THOC6: variants seen among roughly 807,000 people sequenced by gnomAD.
THOC6 encodes THO complex subunit 6.
A neutral mutation model predicts 55.8 loss-of-function variants in THOC6; 39 were observed. The ratio of observed to expected loss-of-function variants is 0.70; its 90% CI spans 0.54 to 0.91. The LOEUF is 0.91. Ranked by LOEUF, THOC6 falls within the 40% of genes least tolerant of loss-of-function variation. The pLI is 0.00. For synonymous variants in THOC6, 192 were observed against 175.6 expected (o/e 1.09, Z -0.74); for missense variants, 482 against 442.0 (o/e 1.09, Z -0.81).
rs1039935753 is a variant in THOC6, at chr16:3,026,277, G to A, written c.351G>A (p.Gln117=). 1 of 1,614,128 alleles carries A rather than the reference G, an allele frequency of 6.2e-7. No homozygotes were observed. The highest frequency in any genetic ancestry group is 1.7e-5 in the Admixed American group (1 of 60,026). The part of the protein sequence containing the change: ...KKGCKELWRR[Q]PPYRTSLEVP... ...GCTGTAAGGAGCTGTGGCGTCGTCA[G>A]CCTCCATACAGGTGAGCAGGGCCAC... Residue 117 remains glutamine, a synonymous_variant, in exon 5 of 13, where the codon CAG becomes CAA. Transcript: ENST00000326266.
At chr16:3,024,429 C>A (rs1243123491) in intron 1 of THOC6, 64 bp downstream of exon 1, 1 of 1,597,464 alleles carries the variant, frequency 6.3e-7, no homozygotes, top group South Asian at 1.1e-5. Flanking sequence ...TGGGACGGGG[C>A]GGGCAGGGAA....
chr16:3,026,102 G>A lies in THOC6; in HGVS notation c.260G>A (p.Arg87Gln), dbSNP rs1225136195. The change falls in exon 4 of 13, where the codon CGA becomes CAA. Residue 87 changes from arginine to glutamine, a missense_variant. Physicochemically the swap from Arg to Gln is conservative, Grantham distance 43. Transcript: ENST00000326266. Reference protein sequence around the residue: ...GPVYSMVSTDRHLLSAGDGEV... With the variant: ...GPVYSMVSTDQHLLSAGDGEV... ...GTCTATAGCATGGTTTCCACCGATC[G>A]ACATCTGCTTAGTGCTGGGGATGGG... The A allele has an allele frequency of 1.9e-6, 3 of 1,608,932 alleles. No individual in the cohort carries two copies. Among genetic ancestry groups the A allele is most frequent in the East Asian group, 2.2e-5 (1 of 44,748 alleles).
chr16:3,024,294 G>C lies in THOC6; in HGVS notation c.-33G>C. The stretch of plus-strand genomic sequence containing the variant: ...GTAAGGCCTCGTGAGGTTGCGTCGC[G>C]CGCGGAGCACTCTGGGACTTGTAGT... On this transcript the variant is annotated 5_prime_UTR_variant, in exon 1 of 13. Transcript: ENST00000326266. The C allele has an allele frequency of 6.2e-7, 1 of 1,614,082 alleles. No individual in the cohort carries two copies. The highest frequency in any genetic ancestry group is 8.5e-7 in the Non-Finnish European group (1 of 1,179,972).
rs2072814610 is a variant in THOC6, at chr16:3,027,045, G to A, written c.671G>A (p.Gly224Glu). Residue 224 changes from glycine (G) to glutamate (E), a missense_variant, in exon 10 of 13, where the codon GGA becomes GAA. Physicochemically the swap from Gly to Glu is moderately conservative, Grantham distance 98. Coordinates refer to ENST00000326266, the MANE Select transcript of THOC6 (RefSeq NM_024339.5). ...AGGCCCCACAATGGGCGCTGGATTG[G>A]ATGTTTGGCAACTGATTCCGACTGG... Reference protein sequence around the residue: ...CSRPHNGRWIGCLATDSDWMV... With the variant: ...CSRPHNGRWIECLATDSDWMV... 2 of 1,614,172 alleles carry A rather than the reference G, an allele frequency of 1.2e-6. No homozygotes were observed. The highest frequency in any genetic ancestry group is 4.5e-5 in the East Asian group (2 of 44,872).
chr16:3,026,246 T>C lies in THOC6; in HGVS notation c.325-5T>C. 1 of 1,614,070 alleles carries C rather than the reference T, an allele frequency of 6.2e-7. No individual in the cohort carries two copies. On this transcript the variant is annotated splice_polypyrimidine_tract_variant and splice_region_variant and intron_variant, in intron 4 of 12. Transcript: ENST00000326266. ...TGAGGTCACCTGGTATTTTCTCTTT[T>C]GAAGGGCTGTAAGGAGCTGTGGCGT...
chr16:3,026,315 T>G (rs1327214279), intron 5 of THOC6, 27 bp downstream of exon 5: 12 of 1,613,790 alleles, frequency 7.4e-6, no homozygotes, highest in Non-Finnish European at 1.0e-5. Flanking sequence ...GGATAGAGGG[T>G]GCATCAGGGT....
chr16:3,025,902 G>A, intron 2 of THOC6, 22 bp from the exon 3 acceptor site: 1 of 1,614,202 alleles, frequency 6.2e-7, no homozygotes, highest in South Asian at 1.1e-5. Context: ...TGACTCCTGG[G>A]TCCCCTCCGC....
rs144446793 is a variant in THOC6 at position 3,027,420 on chromosome 16, C to G, written c.865C>G (p.Leu289Val). 27 of 1,612,332 alleles carry G rather than the reference C, an allele frequency of 1.7e-5. No individual in the cohort carries two copies. The highest frequency in any genetic ancestry group is 2.2e-5 in the Non-Finnish European group (26 of 1,179,582). The stretch of plus-strand genomic sequence containing the variant: ...CAACCAGTGGCAGCTGAGCGGGGAG[C>G]TGAAGGCCCAGGTGCCTGGCTCCTC... ...CVNQWQLSGE[L>V]KAQVPGSSPG... Residue 289 changes from leucine (L) to valine (V), a missense_variant, in exon 12 of 13, where the codon CTG (leucine) becomes GTG (valine). Physicochemically the swap from Leu to Val is conservative, Grantham distance 32 (BLOSUM62 1). Coordinates refer to ENST00000326266, the MANE Select transcript of THOC6 (RefSeq NM_024339.5).
At chr16:3,026,840 G>A (rs2072808003) in intron 8 of THOC6, 27 bp from the exon 9 acceptor site, 1 of 1,614,140 alleles carries the variant, frequency 6.2e-7, no homozygotes, top group Non-Finnish European at 8.5e-7. Context: ...GGCAAGTGGG[G>A]CACCACTCAC....
chr16:3,025,183 C>T (rs573686569), intron 1 of THOC6, among the ~76,000 whole-genome samples: 1 of 152,210 alleles, frequency 6.6e-6, no homozygotes, highest in East Asian at 1.9e-4. Context: ...CTCAGGTGGT[C>T]CACCTGCCTT....
intron 2 of THOC6, 36 bp downstream of exon 2, chr16:3,025,859 A>G: frequency 6.2e-7 from 1 of 1,614,092 alleles, no homozygotes; most frequent in Non-Finnish European, 8.5e-7. Context: ...TAGCCCTGGC[A>G]CTTGGCCCTC....
chr16:3,025,234 G>A (rs1294616730), intron 1 of THOC6, among the ~76,000 whole-genome samples: 1 of 152,078 alleles, frequency 6.6e-6, no homozygotes, highest in Admixed American at 6.6e-5. Context: ...GAGCCACTGC[G>A]CCCGGCCCCA....
In THOC6 at chr16:3,027,669, A is replaced by T. The variant is rs1455342224; in HGVS notation, c.*12A>T. Reference sequence around the variant, plus strand: ...CCCTGTCCTTCTGATCTCTGACGACACCCCCAGCCAGCTCAGGGTTTTAGA... The same window carrying T: ...CCCTGTCCTTCTGATCTCTGACGACTCCCCCAGCCAGCTCAGGGTTTTAGA... On this transcript the variant is annotated 3_prime_UTR_variant, in exon 13 of 13. Transcript: ENST00000326266. 6.2e-7 allele frequency: 1 copy of T among 1,605,384 alleles called. No individual in the cohort carries two copies. The highest frequency in any genetic ancestry group is 8.5e-7 in the Non-Finnish European group (1 of 1,177,728).
In THOC6 at chr16:3,027,697, GT is replaced by G. The variant is rs2072837794; in HGVS notation, c.*45del. On this transcript the variant is annotated 3_prime_UTR_variant, in exon 13 of 13. Coordinates refer to ENST00000326266, the MANE Select transcript of THOC6 (RefSeq NM_024339.5). ...CCCAGCCAGCTCAGGGTTTTAGAGT[GT>G]TTTTCATTTTCTTTTTTTTTTTTTT... 9 of 1,398,134 alleles carry G rather than the reference GT, an allele frequency of 6.4e-6. No individual in the cohort carries two copies. The highest frequency in any genetic ancestry group is 8.8e-6 in the Non-Finnish European group (9 of 1,028,522). 86.6% of individuals were successfully genotyped at this position (1,398,134 alleles called of 1,614,324 possible).
chr16:3,024,070 G>C lies in THOC6; in HGVS notation c.-257G>C, dbSNP rs1472188518. 11 of 807,540 alleles carry C rather than the reference G, an allele frequency of 1.4e-5. No individual in the cohort carries two copies. The Admixed American group carries it at 2.8e-4, about 20-fold the overall frequency. 50.0% of individuals were successfully genotyped at this position (807,540 alleles called of 1,614,324 possible). A position where few individuals can be genotyped will look rare whatever the true frequency, so the allele number is the denominator to read the frequency against. On this transcript the variant is annotated 5_prime_UTR_variant, in exon 1 of 13. Transcript: ENST00000326266. ...GGTTCTGCGCGGGCGCGGAAGACGGGCGGCGCGTGGCGGAAGGCAGGCTTG... is the reference window on the plus strand; with the variant it reads ...GGTTCTGCGCGGGCGCGGAAGACGGCCGGCGCGTGGCGGAAGGCAGGCTTG...
chr16:3,025,072 A>G (rs2072751431), intron 1 of THOC6, among the ~76,000 whole-genome samples: 1 of 150,370 alleles, frequency 6.7e-6, no homozygotes, highest in Non-Finnish European at 1.5e-5. Flanking sequence ...CCTCCTGAGT[A>G]GCTGAGATTA....
At chr16:3,025,640 C>A in intron 1 of THOC6, 68 bp from the exon 2 acceptor site, 2 of 1,461,652 alleles carry the variant, frequency 1.4e-6, no homozygotes, top group South Asian at 1.2e-5. Context: ...TTGGGGGAAG[C>A]AGGGAGGAAT....
Position 3,026,651 on chromosome 16 carries a change from C to G in THOC6, c.484-28C>G, listed in dbSNP as rs778561717. On this transcript the variant is annotated intron_variant, in intron 7 of 12. Coordinates refer to ENST00000326266, the MANE Select transcript of THOC6 (RefSeq NM_024339.5). ...AGGGAGAGGCACTCTTCCTAGGTCTCCTCCTGACATCGCCCCTCTACATGC... is the reference window on the plus strand; with the variant it reads ...AGGGAGAGGCACTCTTCCTAGGTCTGCTCCTGACATCGCCCCTCTACATGC... The G allele has an allele frequency of 2.9e-5, 47 of 1,610,914 alleles. 1 individual carries two copies. Among genetic ancestry groups the G allele is most frequent in the Middle Eastern group, 1.7e-4 (1 of 6,052 alleles).
chr16:3,025,801 T>C lies in THOC6; in HGVS notation c.133T>C (p.Tyr45His), dbSNP rs1291856269. 1.2e-6 allele frequency: 2 copies of C among 1,614,198 alleles called. No individual in the cohort carries two copies. Among genetic ancestry groups the C allele is most frequent in the East Asian group, 4.5e-5 (2 of 44,888 alleles). ...CGKFLAAGNN[Y>H]GQIAIFSLSS... ...GAAGTTTCTGGCGGCTGGCAACAATTACGGGCAGATTGCCATCTTCAGGTA... is the reference window on the plus strand; with the variant it reads ...GAAGTTTCTGGCGGCTGGCAACAATCACGGGCAGATTGCCATCTTCAGGTA... The change falls in exon 2 of 13, where the codon TAC (tyrosine) becomes CAC (histidine). Residue 45 changes from tyrosine (Y) to histidine (H), a missense_variant. Transcript: ENST00000326266.
Sources: gnomAD v4.1 joint callset for allele counts (sites outside exome capture counted in the v4.1 genomes callset) on GRCh38, gnomAD v4.1.1 for gene constraint, MANE v1.5 for transcripts, NCBI Gene and HGNC (gene_info 2026-07-23, HGNC 2026-07-21) for gene names.